The following M1AP variants were observed in gnomAD, a reference collection of about 807,000 sequenced individuals.
The protein encoded by M1AP is meiosis 1 associated protein.
Under a neutral mutation model 51.2 loss-of-function variants are expected in M1AP, and 39 were observed. That is an observed-to-expected ratio of 0.76 (90% CI 0.59 to 1.00). The LOEUF is 1.00. Ranked by LOEUF, M1AP falls within the 50% of genes least tolerant of loss-of-function variation. The probability of loss-of-function intolerance (pLI) is 0.00; values close to 1 mark genes in which losing one functional copy is unlikely to be tolerated. For missense variants in M1AP, 545 were observed against 641.2 expected, an observed-to-expected ratio of 0.85 and a Z score of 1.62; for synonymous variants, 251 against 249.2, an observed-to-expected ratio of 1.01 and a Z score of -0.07.
chr2:74,562,179 C>T, intron 8 of M1AP, 38 bp downstream of exon 8: 3 of 1,573,532 alleles, frequency 1.9e-6, no homozygotes, highest in Non-Finnish European at 1.7e-6. Context: ...ACTCCATTCG[C>T]TTCTAGATCT....
rs987556455 is a variant in M1AP at position 74,606,276 on chromosome 2, G to C, written c.595+779C>G. On this transcript the variant is annotated intron_variant, in intron 4 of 10. Transcript: ENST00000421985. ...GAAGCCACAGGGCATTAAATCTCAA[G>C]GATGGGGGCCTTTCTGTACTTAGGA... 8.5e-5 allele frequency among the ~76,000 whole-genome samples: 13 copies of C among 152,198 alleles called. 1 individual carries two copies. The highest frequency in any genetic ancestry group is 8.5e-4 in the Admixed American group (13 of 15,274).
intron 4 of M1AP, among the ~76,000 whole-genome samples, chr2:74,592,284 A>T (rs1264521130): frequency 6.6e-6 from 1 of 152,204 alleles, no homozygotes; most frequent in Non-Finnish European, 1.5e-5. Flanking sequence ...GTGTTTAAAA[A>T]TAAACACATG....
At chr2:74,565,991 TG>T (rs1347106372) in intron 7 of M1AP, among the ~76,000 whole-genome samples, 1 of 152,194 alleles carries the variant, frequency 6.6e-6, no homozygotes, top group Non-Finnish European at 1.5e-5. Context: ...TCATATGTAG[TG>T]GTGAAAGAGT....
intron 1 of M1AP, among the ~76,000 whole-genome samples, chr2:74,644,677 G>A (rs1162085491): frequency 2.0e-5 from 3 of 151,980 alleles, no homozygotes; most frequent in African/African-American, 2.4e-5. Flanking sequence ...TTCCAATTAC[G>A]TGCTGGATAC....
chr2:74,611,554 T>C (rs1167583462), intron 3 of M1AP, among the ~76,000 whole-genome samples: 1 of 152,194 alleles, frequency 6.6e-6, no homozygotes, highest in Non-Finnish European at 1.5e-5. Context: ...ATTTGACTCA[T>C]CTCTCTTTTT....
chr2:74,595,686 A>C (rs1261141429), intron 4 of M1AP, among the ~76,000 whole-genome samples: 1 of 152,234 alleles, frequency 6.6e-6, no homozygotes, highest in Non-Finnish European at 1.5e-5. Context: ...TGTAATACAC[A>C]TGACAATTAT....
intron 8 of M1AP, among the ~76,000 whole-genome samples, chr2:74,561,369 T>C (rs1410096659): frequency 6.6e-6 from 1 of 152,134 alleles, no homozygotes; most frequent in Non-Finnish European, 1.5e-5. Context: ...GCACCTACAT[T>C]GGCTGCCTTT....
At chr2:74,558,978 C>CAGGGAATGAA in intron 10 of M1AP, 104 bp from the exon 11 acceptor site, 2 of 1,139,476 alleles carry the variant, frequency 1.8e-6, no homozygotes, top group Non-Finnish European at 2.4e-6. Context: ...AAGTTCATTC[C>CAGGGAATGAA]CTGGAGTGAC....
At chr2:74,568,607 G>A (rs1678535551) in intron 7 of M1AP, among the ~76,000 whole-genome samples, 1 of 152,000 alleles carries the variant, frequency 6.6e-6, no homozygotes. Context: ...GGAAGGGATG[G>A]GAATCAAGTC....
intron 10 of M1AP, among the ~76,000 whole-genome samples, 193 bp from the exon 11 acceptor site, chr2:74,559,067 A>G (rs963618778): frequency 6.6e-6 from 1 of 151,816 alleles, no homozygotes; most frequent in African/African-American, 2.4e-5. Context: ...CTGGTGTCCT[A>G]CCTCTGGCAG....
intron 6 of M1AP, 45 bp downstream of exon 6, chr2:74,576,411 A>G: frequency 6.3e-7 from 1 of 1,599,252 alleles, no homozygotes; most frequent in Non-Finnish European, 8.6e-7. Context: ...CAGAACCACT[A>G]AGAATAGCAT....
At chr2:74,610,294 C>A (rs1261278917) in intron 3 of M1AP, among the ~76,000 whole-genome samples, 1 of 152,034 alleles carries the variant, frequency 6.6e-6, no homozygotes, top group Non-Finnish European at 1.5e-5. Context: ...CAGGTGTGAG[C>A]CACTGCACCT....
chr2:74,621,157 C>T (rs1682002184), intron 2 of M1AP, among the ~76,000 whole-genome samples: 1 of 151,526 alleles, frequency 6.6e-6, no homozygotes, highest in Non-Finnish European at 1.5e-5. Context: ...TGGCGGGCGC[C>T]TGTAGTCCCA....
chr2:74,648,188 C>T (rs1347489650), intron 1 of M1AP, 77 bp downstream of exon 1: 4 of 959,226 alleles, frequency 4.2e-6, no homozygotes, highest in African/African-American at 3.5e-5. Flanking sequence ...GAGCTCGGCC[C>T]ACGCCCAGCC....
At chr2:74,592,984 C>T (rs1680134400) in intron 4 of M1AP, among the ~76,000 whole-genome samples, 1 of 152,206 alleles carries the variant, frequency 6.6e-6, no homozygotes, top group East Asian at 1.9e-4. Context: ...AATTCTTGCA[C>T]TGTACTAACT....
At chr2:74,634,989 A>G (rs1378176338) in intron 2 of M1AP, among the ~76,000 whole-genome samples, 1 of 152,138 alleles carries the variant, frequency 6.6e-6, no homozygotes. Flanking sequence ...GGGATAAAAA[A>G]TAGCCTCATA....
At chr2:74,581,365 T>C (rs1027711056) in intron 5 of M1AP, among the ~76,000 whole-genome samples, 2 of 152,124 alleles carry the variant, frequency 1.3e-5, no homozygotes, top group Non-Finnish European at 2.9e-5. Flanking sequence ...AAAATGAGAA[T>C]ATTGAGAAAT....
intron 4 of M1AP, among the ~76,000 whole-genome samples, chr2:74,600,967 T>C (rs1680640908): frequency 6.6e-6 from 1 of 152,164 alleles, no homozygotes; most frequent in African/African-American, 2.4e-5. Flanking sequence ...TCTACTACTA[T>C]TAATATCAGT....
At chr2:74,576,927 G>GAGGA in intron 5 of M1AP, 1 of 1,112,386 alleles carries the variant, frequency 9.0e-7, no homozygotes, top group South Asian at 2.7e-5. Context: ...CTCATAGTGA[G>GAGGA]ACATCTGGCT....
Sources: gnomAD v4.1 joint callset for allele counts (sites outside exome capture counted in the v4.1 genomes callset) on GRCh38, gnomAD v4.1.1 for gene constraint, MANE v1.5 for transcripts, NCBI Gene and HGNC (gene_info 2026-07-23, HGNC 2026-07-21) for gene names.